The following SEC23IP variants were observed in gnomAD, a reference collection of about 807,000 sequenced individuals.
The protein encoded by SEC23IP is SEC23 interacting protein, also known as SEC23-interacting protein.
SEC23IP carries 70 observed loss-of-function variants against 113.4 expected under a neutral mutation model. The ratio of observed to expected loss-of-function variants is 0.62; its 90% CI spans 0.51 to 0.75. The LOEUF is 0.75. Among genes scored for constraint, SEC23IP ranks in the 30% least tolerant of loss-of-function variants. The pLI, the probability that SEC23IP is intolerant of heterozygous loss-of-function variation, is 0.00. For missense variants in SEC23IP, 1,160 were observed against 1,204.9 expected, an observed-to-expected ratio of 0.96 and a Z score of 0.55; for synonymous variants, 398 against 421.0, an observed-to-expected ratio of 0.95 and a Z score of 0.67.
At position 119,944,387 on chromosome 10, in the gene SEC23IP, T is replaced by G. The variant is rs1472124436; in HGVS notation, c.*3822T>G. ...AGAACTGTGAGTCACTTGAACCCCT[T>G]TTGTTTATAAATTGCCCAGTCTCAG... On this transcript the variant is annotated 3_prime_UTR_variant, in exon 19 of 19. Coordinates refer to ENST00000369075, the MANE Select transcript of SEC23IP (RefSeq NM_007190.4). 1 of 152,136 alleles carries G rather than the reference T, an allele frequency of 6.6e-6. No homozygotes were observed. Among genetic ancestry groups the G allele is most frequent in the East Asian group, 1.9e-4 (1 of 5,200 alleles). 9.4% of individuals were successfully genotyped at this position (152,136 alleles called of 1,614,324 possible).
chr10:119,916,593 G>T (rs141899022), intron 8 of SEC23IP, among the ~76,000 whole-genome samples: 4 of 152,236 alleles, frequency 2.6e-5, no homozygotes, highest in East Asian at 1.9e-4. Flanking sequence ...CTTTCTCTGT[G>T]TGTATTCCTA....
At chr10:119,896,166 T>C (rs1004149426) in intron 1 of SEC23IP, among the ~76,000 whole-genome samples, 3 of 152,206 alleles carry the variant, frequency 2.0e-5, no homozygotes, top group Non-Finnish European at 2.9e-5. Context: ...GTGTGGACTA[T>C]ACAGTTGTAG....
intron 5 of SEC23IP, 109 bp from the exon 6 acceptor site, chr10:119,911,935 A>G: frequency 7.4e-7 from 1 of 1,344,246 alleles, no homozygotes. Flanking sequence ...CTAATAATTT[A>G]TAAACTCTCC....
chr10:119,901,051 G>GC (rs1194795177), intron 2 of SEC23IP, among the ~76,000 whole-genome samples: 2 of 140,664 alleles, frequency 1.4e-5, no homozygotes, highest in Admixed American at 1.4e-4. Flanking sequence ...GAGTGGGGGG[G>GC]GGGTCTTGCT....
chr10:119,911,939 A>C, intron 5 of SEC23IP, 105 bp from the exon 6 acceptor site: 3 of 1,344,716 alleles, frequency 2.2e-6, no homozygotes, highest in Non-Finnish European at 3.1e-6. Context: ...TAATTTATAA[A>C]CTCTCCGTAC....
At chr10:119,918,692 C>T (rs1042598294) in intron 10 of SEC23IP, among the ~76,000 whole-genome samples, 181 bp downstream of exon 10, 3 of 152,206 alleles carry the variant, frequency 2.0e-5, no homozygotes, top group African/African-American at 7.2e-5. Flanking sequence ...AAGCGATCCT[C>T]CTGCCTTGGC....
chr10:119,900,277 G>A (rs1854432920), intron 2 of SEC23IP, among the ~76,000 whole-genome samples: 1 of 133,726 alleles, frequency 7.5e-6, no homozygotes. Flanking sequence ...GTACGTGTGT[G>A]TGTATGTGTG....
In SEC23IP at chr10:119,926,199, A is replaced by G. The variant is rs1191220062; in HGVS notation, c.2285A>G (p.Tyr762Cys). 1 of 1,614,038 alleles carries G rather than the reference A, an allele frequency of 6.2e-7. No homozygotes were observed. The highest frequency in any genetic ancestry group is 8.5e-7 in the Non-Finnish European group (1 of 1,180,000). Residue 762 changes from tyrosine to cysteine, a missense_variant, in exon 13 of 19, where the codon TAT (tyrosine) becomes TGT (cysteine). Transcript: ENST00000369075. ...GACVSSVCVN[Y>C]ESFEVGAGQV... ...TGCGTGTCTTCTGTGTGTGTGAATT[A>G]TGAATCTTTTGAAGTTGGCGCCGGA...
At position 119,929,617 on chromosome 10, in the gene SEC23IP, C is replaced by T; in HGVS notation, c.2324C>T (p.Ala775Val). 6.2e-7 allele frequency: 1 copy of T among 1,609,182 alleles called. No individual in the cohort carries two copies. Among genetic ancestry groups the T allele is most frequent in the Non-Finnish European group, 8.5e-7 (1 of 1,175,966 alleles). ...FEVGAGQVSV[A>V]YNSLDFEPEI... The stretch of plus-strand genomic sequence containing the variant: ...TTTGATTCTTTCCAGGTTTCTGTTG[C>T]TTACAACTCATTAGATTTTGAACCA... Residue 775 changes from alanine (A) to valine (V), a missense_variant, in exon 14 of 19, where the codon GCT becomes GTT. Ala to Val is a moderately conservative substitution (Grantham distance 64, BLOSUM62 0). Transcript: ENST00000369075.
At chr10:119,923,453 C>CT (rs5788371) in intron 12 of SEC23IP, among the ~76,000 whole-genome samples, 8,402 of 149,910 alleles carry the variant, frequency 0.056, 423 homozygotes, top group South Asian at 0.27. Context: ...TGACTGTGTG[C>CT]TTTTTTTTTC....
Position 119,898,960 on chromosome 10 carries a change from G to A in SEC23IP, c.696+1G>A. 2 of 1,556,128 alleles carry A rather than the reference G, an allele frequency of 1.3e-6. No homozygotes were observed. The highest frequency in any genetic ancestry group is 1.7e-6 in the Non-Finnish European group (2 of 1,157,054). ...GATGCCTCCAGGATCTTTGCCACCG[G>A]TATGGAGACATGATTTTGTGTCCTA... On this transcript the variant is annotated splice_donor_variant, in intron 2 of 18. Transcript: ENST00000369075. LOFTEE classifies it high-confidence loss of function.
At chr10:119,900,681 A>C (rs1442760898) in intron 2 of SEC23IP, among the ~76,000 whole-genome samples, 1 of 151,634 alleles carries the variant, frequency 6.6e-6, no homozygotes, top group Non-Finnish European at 1.5e-5. Flanking sequence ...GCAGTCTCAA[A>C]CTCCTGGGCC....
intron 12 of SEC23IP, among the ~76,000 whole-genome samples, chr10:119,923,876 GGT>G (rs999239922): frequency 2.0e-5 from 3 of 152,034 alleles, no homozygotes; most frequent in Non-Finnish European, 4.4e-5. Flanking sequence ...AAACACTGTT[GGT>G]TCACAGTTTA....
rs1855129384 is a variant in SEC23IP at position 119,918,496 on chromosome 10, T to C, written c.1857T>C (p.His619=). Residue 619 remains histidine (H), a synonymous_variant, in exon 10 of 19, where the codon CAT becomes CAC. Coordinates refer to ENST00000369075, the MANE Select transcript of SEC23IP (RefSeq NM_007190.4). ...AVANGVVKQL[H]FQEKQMPEEP... ...CTAATGGAGTTGTGAAGCAGCTACA[T>C]TTTCAGGAAAAGCAGGTACGTCTGT... The C allele has an allele frequency of 1.2e-6, 2 of 1,610,264 alleles. No homozygotes were observed. Among genetic ancestry groups the C allele is most frequent in the Non-Finnish European group, 1.7e-6 (2 of 1,176,574 alleles).
intron 13 of SEC23IP, among the ~76,000 whole-genome samples, chr10:119,927,922 C>T (rs1278723051): frequency 2.0e-5 from 3 of 152,204 alleles, no homozygotes; most frequent in Non-Finnish European, 4.4e-5. Flanking sequence ...GGAGAGACAT[C>T]AATCTGTATT....
chr10:119,903,587 C>T (rs761345752), intron 3 of SEC23IP, among the ~76,000 whole-genome samples: 12 of 152,066 alleles, frequency 7.9e-5, no homozygotes, highest in Non-Finnish European at 1.5e-4. Context: ...TTAAAGTTTG[C>T]CCTAGCTGTT....
chr10:119,910,207 T>G (rs1044409144), intron 5 of SEC23IP, among the ~76,000 whole-genome samples: 6 of 152,256 alleles, frequency 3.9e-5, no homozygotes, highest in Admixed American at 2.6e-4. Context: ...TATGCCTGTC[T>G]GCCCTTGATG....
rs531059466 is a variant in SEC23IP, at chr10:119,943,424, C to G, written c.*2859C>G. 6.6e-6 allele frequency: 1 copy of G among 152,272 alleles called. No homozygotes were observed. The highest frequency in any genetic ancestry group is 1.9e-4 in the East Asian group (1 of 5,176). 9.4% of individuals were successfully genotyped at this position (152,272 alleles called of 1,614,324 possible). A position where few individuals can be genotyped will look rare whatever the true frequency, so the allele number is the denominator to read the frequency against. On this transcript the variant is annotated 3_prime_UTR_variant, in exon 19 of 19. Transcript: ENST00000369075. ...ACTCCTCAGGGGGTTAACCCCATCTCTACTAAAAATAAAAAAAATTAGCTG... is the reference window on the plus strand; with the variant it reads ...ACTCCTCAGGGGGTTAACCCCATCTGTACTAAAAATAAAAAAAATTAGCTG...
chr10:119,912,136 T>C lies in SEC23IP; in HGVS notation c.1284T>C (p.Ile428=). 1 of 1,614,042 alleles carries C rather than the reference T, an allele frequency of 6.2e-7. No homozygotes were observed. ...QTRPRVVKRG[I]DDNLDEIPDG... The stretch of plus-strand genomic sequence containing the variant: ...GGCCCAGGGTTGTAAAGCGTGGAAT[T>C]GATGATAACCTTGATGAAATTCCCG... Residue 428 remains isoleucine, a synonymous_variant, in exon 6 of 19, where the codon ATT becomes ATC. Transcript: ENST00000369075.
Sources: allele counts gnomAD v4.1 joint callset (sites outside exome capture counted in the v4.1 genomes callset), GRCh38; gene constraint gnomAD v4.1.1; transcripts MANE v1.5; gene names NCBI Gene and HGNC (gene_info 2026-07-23, HGNC 2026-07-21).